The following SLC10A2 variants were observed in gnomAD, a reference collection of about 807,000 sequenced individuals.
SLC10A2 encodes solute carrier family 10 member 2.
Under a neutral mutation model 27.1 loss-of-function variants are expected in SLC10A2, and 34 were observed. The observed-to-expected ratio is 1.26, with a 90% CI of 0.96 to 1.67. SLC10A2 has a LOEUF of 1.67. Ranked by LOEUF, SLC10A2 falls within the 40% of genes most tolerant of loss-of-function variation. SLC10A2 has a pLI of 0.00. For synonymous variants in SLC10A2, 205 were observed against 174.0 expected (o/e 1.18, Z -1.40); for missense variants, 530 against 444.4 (o/e 1.19, Z -1.73).
At chr13:103,049,208 G>T in intron 5 of SLC10A2, 81 bp downstream of exon 5, 1 of 1,442,034 alleles carries the variant, frequency 6.9e-7, no homozygotes, top group Non-Finnish European at 9.7e-7. Context: ...CCAGGAACGG[G>T]GAGTTTTAAA....
At chr13:103,060,062 A>G (rs966154095) in intron 1 of SLC10A2, among the ~76,000 whole-genome samples, 4 of 151,934 alleles carry the variant, frequency 2.6e-5, no homozygotes, top group Non-Finnish European at 5.9e-5. Flanking sequence ...CTACATGGAG[A>G]CATTAATGCC....
In SLC10A2 at chr13:103,057,889, A is replaced by C. The variant is rs555114019; in HGVS notation, c.496+375T>G. Reference sequence around the variant, plus strand: ...GTGAGACTCCATCTCAAAAAAAAAAAAAATTTCTTCAATTCAAGTGTCTGG... The same window carrying C: ...GTGAGACTCCATCTCAAAAAAAAAACAAATTTCTTCAATTCAAGTGTCTGG... On this transcript the variant is annotated intron_variant, in intron 2 of 5. Coordinates refer to ENST00000245312, the MANE Select transcript of SLC10A2 (RefSeq NM_000452.3). Among the ~76,000 whole-genome samples, 14 of 152,136 alleles carry C rather than the reference A, an allele frequency of 9.2e-5. No individual in the cohort carries two copies. The South Asian group carries it at 2.9e-3, about 32-fold the overall frequency.
At chr13:103,059,196 C>T (rs920725131) in intron 1 of SLC10A2, among the ~76,000 whole-genome samples, 3 of 152,168 alleles carry the variant, frequency 2.0e-5, no homozygotes, top group African/African-American at 7.2e-5. Context: ...ATTTGCATTT[C>T]TCTAATGATC....
chr13:103,049,919 T>C (rs1380279272), intron 4 of SLC10A2, among the ~76,000 whole-genome samples: 1 of 152,150 alleles, frequency 6.6e-6, no homozygotes, highest in East Asian at 1.9e-4. Context: ...AGTGGGAGGA[T>C]TTCTTGAGCC....
intron 3 of SLC10A2, 132 bp from the exon 4 acceptor site, chr13:103,051,564 C>T: frequency 1.0e-6 from 1 of 967,266 alleles, no homozygotes; most frequent in Admixed American, 2.0e-5. Flanking sequence ...TTTCTATGTA[C>T]TCCAAGCCAG....
In SLC10A2 at chr13:103,052,693, GA is replaced by G; in HGVS notation, c.511del (p.Ser171LeufsTer38). The G allele has an allele frequency of 1.2e-6, 2 of 1,606,770 alleles. No individual in the cohort carries two copies. Among genetic ancestry groups the G allele is most frequent in the South Asian group, 2.2e-5 (2 of 90,906 alleles). On this transcript the variant is annotated frameshift_variant, in exon 3 of 6. Coordinates refer to ENST00000245312, the MANE Select transcript of SLC10A2 (RefSeq NM_000452.3). LOFTEE classifies it high-confidence loss of function. ...PYDNIGTSLV[S>X]LVVPVSIGMF... ...TCCAATGGAAACAGGAACAACGAGA[GA>G]AACCAGAGATGTACCTAAAGATGAC...
At position 103,044,505 on chromosome 13, in the gene SLC10A2, A is replaced by G. The variant is rs148065660; in HGVS notation, c.*1628T>C. 5.3e-4 allele frequency: 81 copies of G among 152,250 alleles called. 1 individual carries two copies. The highest frequency in any genetic ancestry group is 1.9e-3 in the African/African-American group (78 of 41,540). The allele number at this position is 152,250 out of a possible 1,614,324, so 9.4% of individuals were successfully genotyped here. A position where few individuals can be genotyped will look rare whatever the true frequency, so the allele number is the denominator to read the frequency against. ...CTTAAAATTATTTAGTCCATTTTGTATTTGTCTAATGATGGAAAAATATGA... is the reference window on the plus strand; with the variant it reads ...CTTAAAATTATTTAGTCCATTTTGTGTTTGTCTAATGATGGAAAAATATGA... On this transcript the variant is annotated 3_prime_UTR_variant, in exon 6 of 6. Coordinates refer to ENST00000245312, the MANE Select transcript of SLC10A2 (RefSeq NM_000452.3).
chr13:103,065,853 A>G lies in SLC10A2; in HGVS notation c.377+20T>C, dbSNP rs200577975. 2.5e-6 allele frequency: 4 copies of G among 1,613,286 alleles called. No individual in the cohort carries two copies. The highest frequency in any genetic ancestry group is 3.4e-6 in the Non-Finnish European group (4 of 1,179,496). ...TTACTCCAAGGTGATTGCAGTAGTT[A>G]GAGGTATAGATAATCTTACCTCAGG... is the stretch of plus-strand genomic sequence containing the variant. On this transcript the variant is annotated intron_variant, in intron 1 of 5. Transcript: ENST00000245312.
intron 2 of SLC10A2, among the ~76,000 whole-genome samples, chr13:103,057,012 C>T (rs1875957630): frequency 6.6e-6 from 1 of 152,204 alleles, no homozygotes; most frequent in Admixed American, 6.5e-5. Flanking sequence ...AAATGGAAGG[C>T]ATTTCAGCCC....
At chr13:103,048,579 T>A (rs1395507849) in intron 5 of SLC10A2, among the ~76,000 whole-genome samples, 2 of 152,076 alleles carry the variant, frequency 1.3e-5, no homozygotes, top group Non-Finnish European at 2.9e-5. Context: ...CTAGCTTTTT[T>A]ATTAAAAAAA....
intron 4 of SLC10A2, 152 bp downstream of exon 4, chr13:103,051,105 C>A: frequency 1.3e-6 from 1 of 757,104 alleles, no homozygotes; most frequent in Admixed American, 2.2e-5. Context: ...GTGACACCTT[C>A]ATTTTCACTT....
At chr13:103,050,435 G>A (rs967418685) in intron 4 of SLC10A2, among the ~76,000 whole-genome samples, 1 of 152,128 alleles carries the variant, frequency 6.6e-6, no homozygotes, top group Non-Finnish European at 1.5e-5. Flanking sequence ...TAGTCAAAAA[G>A]AATTGTTTTT....
intron 2 of SLC10A2, among the ~76,000 whole-genome samples, chr13:103,054,678 A>G (rs1021496426): frequency 1.3e-5 from 2 of 152,196 alleles, no homozygotes; most frequent in East Asian, 1.9e-4. Context: ...AATCCATGGC[A>G]GAATTGCTTT....
In SLC10A2 at chr13:103,065,832, T is replaced by G. The variant is rs1478331674; in HGVS notation, c.377+41A>C. The G allele has an allele frequency of 1.9e-6, 3 of 1,611,842 alleles. No homozygotes were observed. In the African/African-American group the frequency reaches 4.0e-5, roughly 22 times the overall value. ...TGCCATAGGCTTCTGGAAGGATTAC[T>G]CCAAGGTGATTGCAGTAGTTAGAGG... is the stretch of plus-strand genomic sequence containing the variant. On this transcript the variant is annotated intron_variant, in intron 1 of 5. Coordinates refer to ENST00000245312, the MANE Select transcript of SLC10A2 (RefSeq NM_000452.3).
chr13:103,066,129 G>C lies in SLC10A2; in HGVS notation c.121C>G (p.Leu41Val). 1.2e-6 allele frequency: 2 copies of C among 1,614,066 alleles called. No homozygotes were observed. The highest frequency in any genetic ancestry group is 2.7e-5 in the African/African-American group (2 of 75,050). ...ATGGAGAACATCACCAAGGCCAACAGGATGGTCAGCACCGTACTTAGGACC... is the reference window on the plus strand; with the variant it reads ...ATGGAGAACATCACCAAGGCCAACACGATGGTCAGCACCGTACTTAGGACC... ...SVVLSTVLTI[L>V]LALVMFSMGC... The change falls in exon 1 of 6, where the codon CTG becomes GTG. Residue 41 changes from leucine (L) to valine (V), a missense_variant. Leu to Val is a conservative substitution (Grantham distance 32, BLOSUM62 1). Transcript: ENST00000245312.
In SLC10A2 at chr13:103,065,914, G is replaced by A. The variant is rs1360626794; in HGVS notation, c.336C>T (p.Ser112=). 3.1e-6 allele frequency: 5 copies of A among 1,614,172 alleles called. No homozygotes were observed. In the South Asian group the frequency reaches 5.5e-5, roughly 18 times the overall value. Residue 112 remains serine, a synonymous_variant, in exon 1 of 6, where the codon TCC becomes TCT. Coordinates refer to ENST00000245312, the MANE Select transcript of SLC10A2 (RefSeq NM_000452.3). ...IIGCCPGGTA[S]NILAYWVDGD... ...CATCGACCCAATAGGCCAAGATATT[G>A]GAGGCAGTTCCTCCAGGGCAGCATC... is the stretch of plus-strand genomic sequence containing the variant.
chr13:103,058,199 C>T (rs987188748), intron 2 of SLC10A2, 65 bp downstream of exon 2: 4 of 962,350 alleles, frequency 4.2e-6, no homozygotes, highest in Middle Eastern at 2.1e-4. Context: ...GGTCTGAGAG[C>T]CTAGCAGGGG....
At chr13:103,047,343 A>G (rs985324365) in intron 5 of SLC10A2, among the ~76,000 whole-genome samples, 2 of 152,168 alleles carry the variant, frequency 1.3e-5, no homozygotes, top group Non-Finnish European at 2.9e-5. Context: ...TTTCAAAGCC[A>G]CTGAACCACA....
chr13:103,050,056 G>A (rs1210511133), intron 4 of SLC10A2, among the ~76,000 whole-genome samples: 2 of 152,136 alleles, frequency 1.3e-5, no homozygotes, highest in African/African-American at 2.4e-5. Flanking sequence ...TCCTCGGGAG[G>A]CTAAGGCAGG....
Sources: gnomAD v4.1 joint callset for allele counts (sites outside exome capture counted in the v4.1 genomes callset) on GRCh38, gnomAD v4.1.1 for gene constraint, MANE v1.5 for transcripts, NCBI Gene and HGNC (gene_info 2026-07-23, HGNC 2026-07-21) for gene names.